Variants in USH2A observed in about 807,000 individuals in gnomAD.
USH2A encodes usherin.
USH2A carries 443 observed loss-of-function variants against 538.9 expected under a neutral mutation model. The ratio of observed to expected loss-of-function variants is 0.82; its 90% CI spans 0.76 to 0.89. The LOEUF (loss-of-function observed/expected upper bound fraction) is 0.89. Ranked by LOEUF, USH2A falls within the 40% of genes least tolerant of loss-of-function variation. The pLI, the probability that USH2A is intolerant of heterozygous loss-of-function variation, is 0.00. For synonymous variants in USH2A, 2,413 were observed against 2,273.5 expected, an observed-to-expected ratio of 1.06 and a Z score of -1.75; for missense variants, 6,633 against 6,324.8, an observed-to-expected ratio of 1.05 and a Z score of -1.65.
chr1:215,633,738 A>G (rs1429624335), intron 70 of USH2A, among the ~76,000 whole-genome samples: 1 of 152,050 alleles, frequency 6.6e-6, no homozygotes. Context: ...GGATTAGAAA[A>G]CGCAGCCTTT....
chr1:216,075,422 CTTTCTTT>C (rs1387948766), intron 27 of USH2A, among the ~76,000 whole-genome samples: 1 of 152,150 alleles, frequency 6.6e-6, no homozygotes, highest in African/African-American at 2.4e-5. Flanking sequence ...AGTGGAAATG[CTTTCTTT>C]TCTTACTCCA....
At chr1:215,982,684 G>A (rs1413933388) in intron 35 of USH2A, among the ~76,000 whole-genome samples, 2 of 152,100 alleles carry the variant, frequency 1.3e-5, no homozygotes, top group Non-Finnish European at 2.9e-5. Flanking sequence ...GTAACTATGG[G>A]GTAGCTACTA....
intron 59 of USH2A, 149 bp downstream of exon 59, chr1:215,743,028 G>T: frequency 1.2e-6 from 1 of 846,344 alleles, no homozygotes; most frequent in Non-Finnish European, 1.8e-6. Flanking sequence ...ATGCCAGACT[G>T]TGATTTTTCT....
intron 61 of USH2A, among the ~76,000 whole-genome samples, chr1:215,698,225 C>T (rs1658882383): frequency 6.6e-6 from 1 of 152,164 alleles, no homozygotes; most frequent in African/African-American, 2.4e-5. Context: ...TCCAGTCTAT[C>T]ATTGATGGGC....
chr1:216,193,936 AT>A (rs1370116382), intron 19 of USH2A: 1 of 152,192 alleles, frequency 6.6e-6, no homozygotes, highest in East Asian at 1.9e-4. Context: ...TAAGAGGGTC[AT>A]TTCAGCTCCA....
chr1:216,230,907 C>T (rs897841178), intron 14 of USH2A, among the ~76,000 whole-genome samples: 3 of 151,616 alleles, frequency 2.0e-5, no homozygotes, highest in Non-Finnish European at 2.9e-5. Context: ...CTCACACACA[C>T]ACACACACAC....
chr1:215,877,952 T>C (rs566275336), intron 42 of USH2A, 72 bp from the exon 43 acceptor site: 1 of 1,602,218 alleles, frequency 6.2e-7, no homozygotes, highest in African/African-American at 1.3e-5. Context: ...CTCAGGCTGT[T>C]CTGTGGCATG....
chr1:215,672,199 C>T (rs1657839268), intron 63 of USH2A, among the ~76,000 whole-genome samples: 1 of 152,152 alleles, frequency 6.6e-6, no homozygotes, highest in African/African-American at 2.4e-5. Context: ...TCCCAACCAC[C>T]ATTGATTTTA....
intron 46 of USH2A, among the ~76,000 whole-genome samples, chr1:215,842,399 G>A (rs113393658): frequency 0.034 from 5,163 of 152,230 alleles, 96 homozygotes; most frequent in African/African-American, 0.05. Context: ...AGACAGTGTG[G>A]TGGGTCCTCA....
intron 64 of USH2A, among the ~76,000 whole-genome samples, chr1:215,661,973 A>G (rs1657449718): frequency 6.6e-6 from 1 of 152,202 alleles, no homozygotes; most frequent in Admixed American, 6.5e-5. Flanking sequence ...ATTCATGGGC[A>G]TCTTTATTTG....
chr1:215,836,507 TATATATATATA>T (rs1314340881), intron 47 of USH2A, among the ~76,000 whole-genome samples: 1 of 15,986 alleles, frequency 6.3e-5, no homozygotes, highest in Non-Finnish European at 1.1e-4. Flanking sequence ...TAATATATAT[TATATATATATA>T]ATATATATTA....
intron 4 of USH2A, among the ~76,000 whole-genome samples, chr1:216,357,042 C>T (rs928773599): frequency 1.1e-4 from 16 of 152,202 alleles, no homozygotes; most frequent in South Asian, 2.1e-4. Flanking sequence ...GACATGGTAT[C>T]GTGCTAATAA....
At chr1:215,882,611 C>T (rs1341344837) in intron 41 of USH2A, among the ~76,000 whole-genome samples, 1 of 152,028 alleles carries the variant, frequency 6.6e-6, no homozygotes, top group Non-Finnish European at 1.5e-5. Flanking sequence ...GAAGTTTATT[C>T]TTCCATACTT....
At chr1:216,230,217 A>T (rs1326312683) in intron 14 of USH2A, among the ~76,000 whole-genome samples, 2 of 152,188 alleles carry the variant, frequency 1.3e-5, no homozygotes, top group East Asian at 3.9e-4. Flanking sequence ...CCAGCCCAAG[A>T]GTTCCAACTG....
At chr1:215,700,088 T>C (rs1258284038) in intron 61 of USH2A, among the ~76,000 whole-genome samples, 3 of 152,206 alleles carry the variant, frequency 2.0e-5, no homozygotes, top group Non-Finnish European at 4.4e-5. Context: ...TCATTGTTTC[T>C]GTTTTTGTGA....
At chr1:215,651,821 C>T (rs975662327) in intron 64 of USH2A, among the ~76,000 whole-genome samples, 2 of 152,192 alleles carry the variant, frequency 1.3e-5, no homozygotes, top group African/African-American at 4.8e-5. Context: ...AAACATTAGA[C>T]AGATTTTTAG....
At position 215,899,940 on chromosome 1, in the gene USH2A, T is replaced by C. The variant is rs558540046; in HGVS notation, c.7594+135A>G. 16 of 1,296,020 alleles carry C rather than the reference T, an allele frequency of 1.2e-5. No homozygotes were observed. The East Asian group carries it at 3.5e-4, about 29-fold the overall frequency. The allele number at this position is 1,296,020 out of a possible 1,614,324, so 80.3% of individuals were successfully genotyped here. ...GACTGACCACCTTTGCTCACTCTCT[T>C]GCCCTAGAAAAGGTTATTGTCACTA... On this transcript the variant is annotated intron_variant, in intron 40 of 71. Coordinates refer to ENST00000307340, the MANE Select transcript of USH2A (RefSeq NM_206933.4).
At chr1:215,926,215 A>C (rs1052669077) in intron 38 of USH2A, among the ~76,000 whole-genome samples, 11 of 14,232 alleles carry the variant, frequency 7.7e-4, no homozygotes, top group Non-Finnish European at 1.3e-3. Context: ...CCCTGCAAAA[A>C]AAAAAAAAAA....
chr1:216,238,751 A>G (rs2035877530), intron 13 of USH2A, among the ~76,000 whole-genome samples: 1 of 152,318 alleles, frequency 6.6e-6, no homozygotes, highest in South Asian at 2.1e-4. Flanking sequence ...GTTTTTTAGG[A>G]AAGTGGGACA....
Sources: gnomAD v4.1 joint callset for allele counts (sites outside exome capture counted in the v4.1 genomes callset) on GRCh38, gnomAD v4.1.1 for gene constraint, MANE v1.5 for transcripts, NCBI Gene and HGNC (gene_info 2026-07-23, HGNC 2026-07-21) for gene names.